The following GXYLT2 variants were observed in gnomAD, a reference collection of about 807,000 sequenced individuals.
GXYLT2 encodes the protein glycosyltransferase 8 domain containing 4.
In GXYLT2, 53 loss-of-function variants were observed where a neutral mutation model predicts 45.8. The ratio of observed to expected loss-of-function variants is 1.16; its 90% confidence interval spans 0.93 to 1.46. The LOEUF is 1.46. GXYLT2 is among the 40% of genes most tolerant of loss of function. The probability of loss-of-function intolerance (pLI) is 0.00; values close to 1 mark genes in which losing one functional copy is unlikely to be tolerated. For synonymous variants in GXYLT2, 219 were observed against 214.2 expected (o/e 1.02, Z -0.19); for missense variants, 551 against 544.4 (o/e 1.01, Z -0.12).
At chr3:72,916,010 C>T (rs1284517924) in intron 2 of GXYLT2, among the ~76,000 whole-genome samples, 2 of 151,858 alleles carry the variant, frequency 1.3e-5, no homozygotes, top group African/African-American at 4.8e-5. Flanking sequence ...GGTCCATGAT[C>T]CTTTTAGATG....
chr3:72,955,199 C>T lies in GXYLT2; in HGVS notation c.702C>T (p.Ser234=), dbSNP rs1466572108. Residue 234 remains serine (S), a synonymous_variant, in exon 4 of 7, where the codon TCC becomes TCT. Transcript: ENST00000389617. ...GGAAGCTTCTGAGGCTGTTTAATTC[C>T]ACCCAGCTTGCAGCCATGGCCCCTG... is the stretch of plus-strand genomic sequence containing the variant. ...DIWKLLRLFN[S]TQLAAMAPEH... is the part of the protein sequence containing the mutation. 3.1e-6 allele frequency: 5 copies of T among 1,613,890 alleles called. No homozygotes were observed. Among genetic ancestry groups the T allele is most frequent in the Non-Finnish European group, 4.2e-6 (5 of 1,179,900 alleles).
At chr3:72,909,497 T>C (rs186764408) in intron 2 of GXYLT2, among the ~76,000 whole-genome samples, 10 of 152,306 alleles carry the variant, frequency 6.6e-5, no homozygotes, top group East Asian at 3.9e-4. Context: ...AGGATTGTAC[T>C]CTGTATATTG....
chr3:72,934,637 A>G (rs1293530237), intron 3 of GXYLT2, among the ~76,000 whole-genome samples: 1 of 152,174 alleles, frequency 6.6e-6, no homozygotes, highest in African/African-American at 2.4e-5. Context: ...ACGCCTTCAG[A>G]TTGCCTGTTT....
intron 5 of GXYLT2, among the ~76,000 whole-genome samples, chr3:72,963,957 G>A (rs190248425): frequency 1.7e-4 from 26 of 152,098 alleles, no homozygotes; most frequent in African/African-American, 5.8e-4. Context: ...TTACAGGCGT[G>A]AGCCACCATA....
intron 6 of GXYLT2, among the ~76,000 whole-genome samples, chr3:72,970,286 G>A (rs1710962043): frequency 6.6e-6 from 1 of 152,024 alleles, no homozygotes; most frequent in African/African-American, 2.4e-5. Flanking sequence ...GGGAGGCAGA[G>A]GTTGCAGTGA....
chr3:72,966,188 A>C (rs1030117832), intron 5 of GXYLT2, among the ~76,000 whole-genome samples: 2 of 151,848 alleles, frequency 1.3e-5, no homozygotes, highest in Admixed American at 6.6e-5. Context: ...CATGTTGGTC[A>C]GGTTGGTCTC....
At position 72,976,726 on chromosome 3, in the gene GXYLT2, G is replaced by C. The variant is rs533113395; in HGVS notation, c.*1567G>C. 21 of 152,256 alleles carry C rather than the reference G, an allele frequency of 1.4e-4. No homozygotes were observed. Among genetic ancestry groups the C allele is most frequent in the African/African-American group, 4.8e-4 (20 of 41,564 alleles). 9.4% of individuals were successfully genotyped at this position (152,256 alleles called of 1,614,324 possible). A position where few individuals can be genotyped will look rare whatever the true frequency, so the allele number is the denominator to read the frequency against. On this transcript the variant is annotated 3_prime_UTR_variant, in exon 7 of 7. Transcript: ENST00000389617. ...AAATGACTATTGCATAGATGATCTT[G>C]ATATTTGCAACAGCCTAGTGGATTT...
At chr3:72,937,813 C>T (rs1423174321) in intron 3 of GXYLT2, among the ~76,000 whole-genome samples, 5 of 152,200 alleles carry the variant, frequency 3.3e-5, no homozygotes, top group Non-Finnish European at 7.3e-5. Flanking sequence ...TGCTCAGACT[C>T]GCCAGTTTAG....
chr3:72,921,236 A>G (rs890708160), intron 2 of GXYLT2, among the ~76,000 whole-genome samples: 2 of 152,132 alleles, frequency 1.3e-5, no homozygotes, highest in African/African-American at 4.8e-5. Context: ...ACCCAACTAT[A>G]TGTTATAACT....
chr3:72,888,477 C>CG lies in GXYLT2; in HGVS notation c.248dup (p.Ala84ArgfsTer52). On this transcript the variant is annotated frameshift_variant, in exon 1 of 7. Transcript: ENST00000389617. LOFTEE classifies it high-confidence loss of function. ...GCGTCCGCGCCCCCGAGCGGGCCGC[C>CG]GGGGCGCTGCGAGACTGGAGAAGTT... 1 of 1,250,892 alleles carries CG rather than the reference C, an allele frequency of 8.0e-7. No homozygotes were observed. The highest frequency in any genetic ancestry group is 1.0e-6 in the Non-Finnish European group (1 of 993,176). 77.5% of individuals were successfully genotyped at this position (1,250,892 alleles called of 1,614,324 possible).
At chr3:72,891,650 A>C (rs1709184672) in intron 1 of GXYLT2, among the ~76,000 whole-genome samples, 1 of 152,240 alleles carries the variant, frequency 6.6e-6, no homozygotes, top group Non-Finnish European at 1.5e-5. Context: ...GGTGATTTAC[A>C]GCTGGCTGAC....
intron 2 of GXYLT2, among the ~76,000 whole-genome samples, chr3:72,917,632 G>T (rs1331723433): frequency 6.6e-6 from 1 of 151,672 alleles, no homozygotes; most frequent in African/African-American, 2.4e-5. Flanking sequence ...TGGCATGCAT[G>T]TGTGGTCCCA....
chr3:72,914,597 G>T (rs1247516371), intron 2 of GXYLT2, among the ~76,000 whole-genome samples: 2 of 152,150 alleles, frequency 1.3e-5, no homozygotes, highest in African/African-American at 2.4e-5. Flanking sequence ...GTGCCCATGT[G>T]CGTGTGTGTG....
At chr3:72,888,559 C>T (rs1241264026) in intron 1 of GXYLT2, 51 bp downstream of exon 1, 1 of 1,126,754 alleles carries the variant, frequency 8.9e-7, no homozygotes, top group East Asian at 4.3e-5. Context: ...GTCTCGCTCC[C>T]TACACCCGTG....
At position 72,975,132 on chromosome 3, in the gene GXYLT2, C is replaced by T. The variant is rs868470491; in HGVS notation, c.1305C>T (p.Ile435=). 1 of 1,613,332 alleles carries T rather than the reference C, an allele frequency of 6.2e-7. No homozygotes were observed. The part of the protein sequence containing the change: ...MKRAYEKHVI[I]HVGPNQMH ...GGGCTTATGAGAAACACGTCATCAT[C>T]CATGTTGGCCCCAACCAGATGCACT... Residue 435 remains isoleucine (I), a synonymous_variant, in exon 7 of 7, where the codon ATC becomes ATT. Transcript: ENST00000389617.
intron 2 of GXYLT2, among the ~76,000 whole-genome samples, chr3:72,914,562 C>T (rs968937088): frequency 9.2e-5 from 14 of 151,534 alleles, no homozygotes; most frequent in Non-Finnish European, 1.8e-4. Context: ...CGCGCGCTTG[C>T]GTGCGCATGT....
intron 1 of GXYLT2, among the ~76,000 whole-genome samples, chr3:72,906,380 C>T (rs11916444): frequency 1.3e-5 from 2 of 152,068 alleles, no homozygotes; most frequent in Non-Finnish European, 2.9e-5. Context: ...CACCTTAGTG[C>T]GGCCTTTTCC....
intron 5 of GXYLT2, among the ~76,000 whole-genome samples, chr3:72,961,508 C>T (rs1240864566): frequency 3.3e-5 from 5 of 152,092 alleles, no homozygotes; most frequent in Non-Finnish European, 7.3e-5. Context: ...CTTTGCTTCT[C>T]TCCGTGCCAG....
chr3:72,935,860 A>T (rs73838423), intron 3 of GXYLT2, among the ~76,000 whole-genome samples: 2 of 152,210 alleles, frequency 1.3e-5, no homozygotes, highest in East Asian at 3.9e-4. Flanking sequence ...TGTGAGTCTA[A>T]TGTACTCCAC....
Sources: allele counts gnomAD v4.1 joint callset (sites outside exome capture counted in the v4.1 genomes callset), GRCh38; gene constraint gnomAD v4.1.1; transcripts MANE v1.5; gene names NCBI Gene and HGNC (gene_info 2026-07-23, HGNC 2026-07-21).